RNF170: variants seen among roughly 807,000 people sequenced by gnomAD.
RNF170 encodes ring finger protein 170, also known as E3 ubiquitin-protein ligase RNF170.
In RNF170, 12 loss-of-function variants were observed where a neutral mutation model predicts 32.7. The ratio of observed to expected loss-of-function variants is 0.37; its 90% confidence interval spans 0.24 to 0.60. RNF170 has a LOEUF of 0.60. Among genes scored for constraint, RNF170 ranks in the 20% least tolerant of loss-of-function variants. The probability of loss-of-function intolerance (pLI) is 0.72; values close to 1 mark genes in which losing one functional copy is unlikely to be tolerated. For missense variants in RNF170, 212 were observed against 311.2 expected (o/e 0.68, Z 2.40); for synonymous variants, 91 against 103.6 (o/e 0.88, Z 0.74).
At chr8:42,880,811 C>A (rs1304063315) in intron 2 of RNF170, among the ~76,000 whole-genome samples, 2 of 152,136 alleles carry the variant, frequency 1.3e-5, no homozygotes, top group African/African-American at 2.4e-5. Flanking sequence ...CTGTCAGCAA[C>A]CACCACCCTG....
Position 42,887,708 on chromosome 8 carries a change from C to T in RNF170, c.137+20G>A. On this transcript the variant is annotated intron_variant, in intron 2 of 6. Transcript: ENST00000527424. Reference sequence around the variant, plus strand: ...GCAGCCCTTGCAAATCTACTCAATTCTTTTGTCCTTAAATCTCACCTGAAA... The same window carrying T: ...GCAGCCCTTGCAAATCTACTCAATTTTTTTGTCCTTAAATCTCACCTGAAA... The T allele has an allele frequency of 1.2e-6, 2 of 1,613,598 alleles. No homozygotes were observed. Among genetic ancestry groups the T allele is most frequent in the Non-Finnish European group, 1.7e-6 (2 of 1,179,558 alleles).
rs937009825 is a variant in RNF170, at chr8:42,853,368, G to C, written c.*2791C>G. 1 of 1,277,322 alleles carries C rather than the reference G, an allele frequency of 7.8e-7. No individual in the cohort carries two copies. Among genetic ancestry groups the C allele is most frequent in the Non-Finnish European group, 1.0e-6 (1 of 982,958 alleles). The allele number at this position is 1,277,322 out of a possible 1,614,324, so 79.1% of individuals were successfully genotyped here. The stretch of plus-strand genomic sequence containing the variant: ...GACAAACTCTTTAATCACAAGGTTT[G>C]AACCAAACCACCAGTCTTCTACAAC... On this transcript the variant is annotated 3_prime_UTR_variant, in exon 7 of 7. Transcript: ENST00000527424.
chr8:42,874,045 T>A lies in RNF170; in HGVS notation c.138-39A>T. ...TATAATAAATTTTGAATAGAAAATATTATCATATGAATCCATTTTCTTCAT... is the reference window on the plus strand; with the variant it reads ...TATAATAAATTTTGAATAGAAAATAATATCATATGAATCCATTTTCTTCAT... On this transcript the variant is annotated intron_variant, in intron 2 of 6. Coordinates refer to ENST00000527424, the MANE Select transcript of RNF170 (RefSeq NM_030954.4). The A allele has an allele frequency of 2.5e-6, 3 of 1,204,404 alleles. No individual in the cohort carries two copies. The South Asian group carries it at 3.7e-5, about 15-fold the overall frequency. The allele number at this position is 1,204,404 out of a possible 1,614,324, so 74.6% of individuals were successfully genotyped here.
chr8:42,880,637 G>A (rs1193477156), intron 2 of RNF170, among the ~76,000 whole-genome samples: 1 of 152,162 alleles, frequency 6.6e-6, no homozygotes, highest in East Asian at 1.9e-4. Context: ...GGGCATGGTG[G>A]TGCGCACCTG....
At chr8:42,888,653 G>A (rs1806036970) in intron 1 of RNF170, among the ~76,000 whole-genome samples, 1 of 152,002 alleles carries the variant, frequency 6.6e-6, no homozygotes, top group Admixed American at 6.6e-5. Flanking sequence ...AGCTACTCTG[G>A]AGGCTAAGGC....
chr8:42,879,513 C>T (rs780319355), intron 2 of RNF170, among the ~76,000 whole-genome samples: 1 of 151,806 alleles, frequency 6.6e-6, no homozygotes, highest in African/African-American at 2.4e-5. Context: ...TAGCCAAGCA[C>T]GGTGGCACGT....
downstream of RNF170, chr8:42,851,048 C>T (rs1383853850): frequency 6.5e-7 from 1 of 1,544,986 alleles, no homozygotes; most frequent in Non-Finnish European, 8.7e-7. Flanking sequence ...TAGATCATGT[C>T]TTCCCACTGC....
chr8:42,874,703 T>C (rs973689152), intron 2 of RNF170, among the ~76,000 whole-genome samples: 6 of 151,734 alleles, frequency 4.0e-5, no homozygotes, highest in African/African-American at 1.5e-4. Flanking sequence ...GATCATGCCA[T>C]TGCACTCCAG....
At chr8:42,877,958 T>C (rs888665937) in intron 2 of RNF170, among the ~76,000 whole-genome samples, 13 of 152,244 alleles carry the variant, frequency 8.5e-5, no homozygotes, top group African/African-American at 3.1e-4. Context: ...GTGACAACTT[T>C]GTGTTGAGCA....
intron 4 of RNF170, 120 bp from the exon 5 acceptor site, chr8:42,865,609 C>A (rs768688218): frequency 6.5e-5 from 51 of 784,944 alleles, no homozygotes; most frequent in Middle Eastern, 4.6e-4. Flanking sequence ...TTTAAAAATA[C>A]CTTTTACTTC....
At chr8:42,849,708 G>T (rs1425186854), downstream of RNF170, 2 of 152,220 alleles carry the variant, frequency 1.3e-5, no homozygotes, top group African/African-American at 4.8e-5. Flanking sequence ...GGTCCTCTGT[G>T]CCTGTGTCTG....
chr8:42,859,143 C>T (rs992931997), intron 6 of RNF170, among the ~76,000 whole-genome samples: 1 of 151,622 alleles, frequency 6.6e-6, no homozygotes. Context: ...AAGATTGCAC[C>T]ACCGCACTCG....
chr8:42,861,142 C>A (rs977142961), intron 6 of RNF170, among the ~76,000 whole-genome samples: 1 of 152,236 alleles, frequency 6.6e-6, no homozygotes, highest in African/African-American at 2.4e-5. Context: ...TTTAGTATCA[C>A]AAAGAAGTAA....
chr8:42,872,689 C>T (rs573884758), intron 3 of RNF170, among the ~76,000 whole-genome samples: 11 of 152,160 alleles, frequency 7.2e-5, no homozygotes, highest in East Asian at 3.9e-4. Flanking sequence ...GATCTGCTTG[C>T]CTTGGCCTCT....
At position 42,853,463 on chromosome 8, in the gene RNF170, A is replaced by T. The variant is rs554582813; in HGVS notation, c.*2696T>A. Reference sequence around the variant, plus strand: ...AGTCCTTTCTTCCCTTGTACCTCTCAAACACTGAGAATTGTAGTAGTTGAA... The same window carrying T: ...AGTCCTTTCTTCCCTTGTACCTCTCTAACACTGAGAATTGTAGTAGTTGAA... On this transcript the variant is annotated 3_prime_UTR_variant, in exon 7 of 7. Coordinates refer to ENST00000527424, the MANE Select transcript of RNF170 (RefSeq NM_030954.4). 1 of 1,287,198 alleles carries T rather than the reference A, an allele frequency of 7.8e-7. No homozygotes were observed. Among genetic ancestry groups the T allele is most frequent in the East Asian group, 5.5e-5 (1 of 18,026 alleles). 79.7% of individuals were successfully genotyped at this position (1,287,198 alleles called of 1,614,324 possible). A position where few individuals can be genotyped will look rare whatever the true frequency, so the allele number is the denominator to read the frequency against.
At chr8:42,859,935 CCA>C (rs1185497042) in intron 6 of RNF170, among the ~76,000 whole-genome samples, 1 of 152,130 alleles carries the variant, frequency 6.6e-6, no homozygotes, top group Non-Finnish European at 1.5e-5. Flanking sequence ...CAGGCATGAG[CCA>C]CTGTGCCCAG....
intron 2 of RNF170, among the ~76,000 whole-genome samples, chr8:42,875,411 A>G (rs1563264218): frequency 1.3e-5 from 2 of 152,210 alleles, no homozygotes; most frequent in Non-Finnish European, 2.9e-5. Flanking sequence ...TGTGATAGGG[A>G]AAAGTATAGA....
intron 4 of RNF170, among the ~76,000 whole-genome samples, chr8:42,868,763 A>G (rs1277330999): frequency 6.6e-6 from 1 of 151,776 alleles, no homozygotes; most frequent in Non-Finnish European, 1.5e-5. Flanking sequence ...GAGGCAGGAG[A>G]ATCGTTTGAA....
chr8:42,874,511 C>T (rs1311002511), intron 2 of RNF170, among the ~76,000 whole-genome samples: 4 of 151,940 alleles, frequency 2.6e-5, no homozygotes, highest in East Asian at 3.9e-4. Flanking sequence ...GAGGCCAAGG[C>T]GGGTGGATCA....
Sources: gnomAD v4.1 joint callset for allele counts (sites outside exome capture counted in the v4.1 genomes callset) on GRCh38, gnomAD v4.1.1 for gene constraint, MANE v1.5 for transcripts, NCBI Gene and HGNC (gene_info 2026-07-23, HGNC 2026-07-21) for gene names.